Variants in CNTNAP2 observed in about 807,000 individuals in gnomAD.
CNTNAP2 encodes the protein contactin-associated protein-like 2.
CNTNAP2 carries 98 observed loss-of-function variants against 155.2 expected under a neutral mutation model. The observed-to-expected ratio is 0.63, with a 90% CI of 0.54 to 0.75. The LOEUF (loss-of-function observed/expected upper bound fraction) is 0.75, where lower values mean the gene tolerates loss of function less well. Among genes scored for constraint, CNTNAP2 ranks in the 30% least tolerant of loss-of-function variants. The pLI, the probability that CNTNAP2 is intolerant of heterozygous loss-of-function variation, is 0.00. For synonymous variants in CNTNAP2, 651 were observed against 631.2 expected (o/e 1.03, Z -0.47); for missense variants, 1,727 against 1,688.1 (o/e 1.02, Z -0.40).
intron 1 of CNTNAP2, among the ~76,000 whole-genome samples, chr7:146,696,358 G>T (rs148906345): frequency 6.6e-6 from 1 of 152,218 alleles, no homozygotes; most frequent in African/African-American, 2.4e-5. Context: ...TGTCTATGAA[G>T]TCAATGTTAA....
intron 13 of CNTNAP2, among the ~76,000 whole-genome samples, chr7:147,692,708 T>C (rs936232855): frequency 3.3e-5 from 5 of 152,132 alleles, no homozygotes; most frequent in Admixed American, 1.3e-4. Context: ...CTTATTATTG[T>C]GTTTTAAGAG....
chr7:146,555,747 T>C (rs577799409), intron 1 of CNTNAP2, among the ~76,000 whole-genome samples: 1 of 152,288 alleles, frequency 6.6e-6, no homozygotes, highest in South Asian at 2.1e-4. Flanking sequence ...GTTGATTGTG[T>C]GGTAGAAAAA....
At chr7:146,721,889 A>ATATATTTTTTTTTTTTTTT in intron 1 of CNTNAP2, among the ~76,000 whole-genome samples, 1 of 69,706 alleles carries the variant, frequency 1.4e-5, no homozygotes, top group African/African-American at 1.9e-4. Context: ...ATATATATAT[A>ATATATTTTTTTTTTTTTTT]TTTTTTTTTT....
intron 3 of CNTNAP2, among the ~76,000 whole-genome samples, chr7:146,979,033 A>T (rs763481908): frequency 2.6e-5 from 4 of 152,192 alleles, no homozygotes; most frequent in South Asian, 4.1e-4. Flanking sequence ...CATTTGGACA[A>T]AACATTAATG....
intron 21 of CNTNAP2, among the ~76,000 whole-genome samples, chr7:148,380,927 A>AGCAT (rs1269043475): frequency 2.6e-5 from 4 of 152,216 alleles, no homozygotes; most frequent in South Asian, 2.1e-4. Flanking sequence ...CATGGGAGGA[A>AGCAT]GCACGCATGT....
At chr7:146,580,040 C>T (rs182994028) in intron 1 of CNTNAP2, among the ~76,000 whole-genome samples, 1 of 152,224 alleles carries the variant, frequency 6.6e-6, no homozygotes, top group East Asian at 1.9e-4. Context: ...CTCACCTAAC[C>T]AATTATATTT....
intron 3 of CNTNAP2, among the ~76,000 whole-genome samples, chr7:147,005,558 A>G (rs1798510054): frequency 6.6e-6 from 1 of 152,072 alleles, no homozygotes; most frequent in Non-Finnish European, 1.5e-5. Flanking sequence ...CTTAGAGATT[A>G]GGCCTAAATA....
chr7:147,821,388 A>T (rs1798358143), intron 13 of CNTNAP2, among the ~76,000 whole-genome samples: 1 of 152,156 alleles, frequency 6.6e-6, no homozygotes, highest in African/African-American at 2.4e-5. Flanking sequence ...CCTTTTATGT[A>T]TCAAGCAATG....
intron 3 of CNTNAP2, among the ~76,000 whole-genome samples, chr7:146,926,011 C>A (rs147278815): frequency 6.6e-6 from 1 of 152,088 alleles, no homozygotes; most frequent in Non-Finnish European, 1.5e-5. Context: ...CCAGCCGTTT[C>A]ACTATTCAAT....
chr7:146,162,035 G>A (rs1403007796), intron 1 of CNTNAP2, among the ~76,000 whole-genome samples: 3 of 152,114 alleles, frequency 2.0e-5, no homozygotes, highest in African/African-American at 4.8e-5. Flanking sequence ...AGACTTAAAT[G>A]TTAGACCTAA....
At chr7:147,273,599 G>T (rs1413494010) in intron 8 of CNTNAP2, among the ~76,000 whole-genome samples, 1 of 151,862 alleles carries the variant, frequency 6.6e-6, no homozygotes, top group Non-Finnish European at 1.5e-5. Context: ...TTATAAGTAA[G>T]AACATGAAGT....
At chr7:146,621,919 A>T (rs1799324591) in intron 1 of CNTNAP2, among the ~76,000 whole-genome samples, 1 of 152,096 alleles carries the variant, frequency 6.6e-6, no homozygotes, top group Admixed American at 6.6e-5. Flanking sequence ...CATTTACATT[A>T]TTATGGACAC....
At chr7:146,777,191 C>T (rs549444316) in intron 2 of CNTNAP2, among the ~76,000 whole-genome samples, 5 of 136,042 alleles carry the variant, frequency 3.7e-5, no homozygotes, top group African/African-American at 1.4e-4. Context: ...TGTTGTCTGT[C>T]CTATAGATAT....
intron 8 of CNTNAP2, among the ~76,000 whole-genome samples, chr7:147,214,903 A>G (rs1803232489): frequency 6.6e-6 from 1 of 152,178 alleles, no homozygotes; most frequent in South Asian, 2.1e-4. Flanking sequence ...ACTTACGGTC[A>G]TGATAGAAGG....
At chr7:146,977,090 A>G (rs1403019147) in intron 3 of CNTNAP2, among the ~76,000 whole-genome samples, 1 of 152,200 alleles carries the variant, frequency 6.6e-6, no homozygotes, top group Non-Finnish European at 1.5e-5. Flanking sequence ...CGTTATAACA[A>G]AGGCCACAGG....
At chr7:147,920,212 T>A (rs1800247410) in intron 14 of CNTNAP2, among the ~76,000 whole-genome samples, 1 of 151,548 alleles carries the variant, frequency 6.6e-6, no homozygotes, top group Admixed American at 6.6e-5. Context: ...AAAAATTAGC[T>A]GGGCGTGGTG....
chr7:147,403,301 A>C (rs1024390618), intron 10 of CNTNAP2, among the ~76,000 whole-genome samples: 1 of 152,118 alleles, frequency 6.6e-6, no homozygotes, highest in African/African-American at 2.4e-5. Context: ...ACATATATTG[A>C]CTGTTGTCTC....
At chr7:148,268,161 A>C (rs1004938757) in intron 21 of CNTNAP2, among the ~76,000 whole-genome samples, 1 of 152,232 alleles carries the variant, frequency 6.6e-6, no homozygotes, top group Non-Finnish European at 1.5e-5. Flanking sequence ...TGTGAAGCCA[A>C]TGAATTTTGT....
intron 18 of CNTNAP2, among the ~76,000 whole-genome samples, chr7:148,176,268 C>A (rs1794935384): frequency 1.6e-5 from 2 of 127,086 alleles, no homozygotes; most frequent in South Asian, 5.3e-4. Context: ...GTCGCCCAGA[C>A]TGGAGTGCAG....
Sources: allele counts gnomAD v4.1 joint callset (sites outside exome capture counted in the v4.1 genomes callset), GRCh38; gene constraint gnomAD v4.1.1; transcripts MANE v1.5; gene names NCBI Gene and HGNC (gene_info 2026-07-23, HGNC 2026-07-21).